DPH6: variants seen among roughly 807,000 people sequenced by gnomAD.
DPH6 encodes diphthamine biosynthesis 6, also known as diphthine--ammonia ligase.
DPH6 carries 33 observed loss-of-function variants against 38.2 expected under a neutral mutation model. The observed-to-expected ratio is 0.86, with a 90% CI of 0.65 to 1.15. The LOEUF (loss-of-function observed/expected upper bound fraction) is 1.15. Among genes scored for constraint, DPH6 ranks in the 50% most tolerant of loss-of-function variants. The pLI is 0.00. For synonymous variants in DPH6, 108 were observed against 103.0 expected (o/e 1.05, Z -0.30); for missense variants, 325 against 320.0 (o/e 1.02, Z -0.12).
intron 3 of DPH6, among the ~76,000 whole-genome samples, chr15:35,497,968 T>C (rs1170248408): frequency 7.9e-5 from 12 of 152,100 alleles, no homozygotes; most frequent in Non-Finnish European, 1.8e-4. Flanking sequence ...TTGACTCTTA[T>C]TGAGCTACAC....
intron 3 of DPH6, among the ~76,000 whole-genome samples, chr15:35,486,741 C>CA (rs1213418181): frequency 6.6e-6 from 1 of 152,090 alleles, no homozygotes; most frequent in Non-Finnish European, 1.5e-5. Context: ...CATGCATTTC[C>CA]AACAGTTCCC....
intron 3 of DPH6, among the ~76,000 whole-genome samples, chr15:35,320,062 T>A (rs2052226330): frequency 2.0e-5 from 3 of 152,208 alleles, no homozygotes; most frequent in Non-Finnish European, 4.4e-5. Context: ...TTGTTCTTTC[T>A]ACTTTTCAGC....
intron 3 of DPH6, among the ~76,000 whole-genome samples, chr15:35,530,344 T>C (rs2055068083): frequency 6.6e-6 from 1 of 151,338 alleles, no homozygotes; most frequent in Admixed American, 6.6e-5. Flanking sequence ...ACCCAACCAG[T>C]CAACAGGATA....
At chr15:35,427,478 A>C (rs958522240) in intron 5 of DPH6, among the ~76,000 whole-genome samples, 1 of 132,892 alleles carries the variant, frequency 7.5e-6, no homozygotes, top group Non-Finnish European at 1.6e-5. Flanking sequence ...AAAGAAAAAT[A>C]ATCGAATTAA....
At chr15:35,297,534 A>G (rs754744579) in intron 3 of DPH6, among the ~76,000 whole-genome samples, 5 of 151,294 alleles carry the variant, frequency 3.3e-5, no homozygotes, top group Non-Finnish European at 7.4e-5. Flanking sequence ...CTTCTGAGAG[A>G]CCACATTTTT....
At chr15:35,257,692 C>T (rs994222122) in intron 3 of DPH6, among the ~76,000 whole-genome samples, 2 of 151,506 alleles carry the variant, frequency 1.3e-5, no homozygotes, top group African/African-American at 2.4e-5. Context: ...GGATTGAAGG[C>T]AATTAAAAGA....
chr15:35,274,346 A>C (rs971867301), intron 3 of DPH6, among the ~76,000 whole-genome samples: 7 of 150,814 alleles, frequency 4.6e-5, no homozygotes, highest in African/African-American at 1.5e-4. Flanking sequence ...GCACGGGCAA[A>C]GACTTCATAA....
At chr15:35,517,824 G>T (rs2054867682) in intron 3 of DPH6, among the ~76,000 whole-genome samples, 4 of 152,124 alleles carry the variant, frequency 2.6e-5, no homozygotes, top group Middle Eastern at 3.4e-3. Context: ...CATTTGAAGT[G>T]TCTGAATCTA....
chr15:35,166,014 C>G, the DPH6 span, among the ~76,000 whole-genome samples: 1 of 151,916 alleles, frequency 6.6e-6, no homozygotes, highest in African/African-American at 2.4e-5. Context: ...AACCTGGTGA[C>G]AGTGCAGAGC....
chr15:35,531,154 C>G (rs1230986671), intron 3 of DPH6, among the ~76,000 whole-genome samples: 1 of 152,188 alleles, frequency 6.6e-6, no homozygotes, highest in African/African-American at 2.4e-5. Context: ...CCAACAATCT[C>G]AGGTTTTTCC....
intron 3 of DPH6, among the ~76,000 whole-genome samples, chr15:35,455,258 GA>G (rs957218492): frequency 4.0e-5 from 6 of 151,834 alleles, no homozygotes; most frequent in Non-Finnish European, 8.8e-5. Flanking sequence ...GTAAATCTTA[GA>G]AAAAAAATGA....
At chr15:35,411,856 T>C (rs1021559412) in intron 5 of DPH6, among the ~76,000 whole-genome samples, 4 of 151,564 alleles carry the variant, frequency 2.6e-5, no homozygotes, top group African/African-American at 9.7e-5. Flanking sequence ...CTTCACAAAA[T>C]TAACTTAAAA....
intron 3 of DPH6, among the ~76,000 whole-genome samples, chr15:35,354,732 C>T (rs2052544726): frequency 6.6e-6 from 1 of 152,044 alleles, no homozygotes; most frequent in Non-Finnish European, 1.5e-5. Flanking sequence ...GGATATTGGT[C>T]TAAAATTCTC....
intron 3 of DPH6, chr15:35,298,653 C>T (rs1210279190): frequency 4.7e-6 from 6 of 1,271,108 alleles, no homozygotes; most frequent in Admixed American, 1.7e-5. Flanking sequence ...GTCTTCTCCA[C>T]CGAAAAGGCG....
At chr15:35,336,318 A>C (rs1256403721) in intron 3 of DPH6, among the ~76,000 whole-genome samples, 4 of 151,766 alleles carry the variant, frequency 2.6e-5, no homozygotes, top group Admixed American at 6.6e-5. Flanking sequence ...AATCAGACGA[A>C]GATTTGGTCT....
intron 3 of DPH6, among the ~76,000 whole-genome samples, chr15:35,359,343 C>G (rs1298990299): frequency 6.6e-6 from 1 of 152,212 alleles, no homozygotes; most frequent in Non-Finnish European, 1.5e-5. Context: ...GGTTCTTCCC[C>G]TGCCTGTGGA....
the DPH6 span, among the ~76,000 whole-genome samples, chr15:35,163,745 G>A: frequency 6.6e-6 from 1 of 151,824 alleles, no homozygotes; most frequent in Admixed American, 6.6e-5. Flanking sequence ...TCACTACCTT[G>A]TAATGACATG....
At chr15:35,311,255 G>GT (rs2055100252) in intron 3 of DPH6, among the ~76,000 whole-genome samples, 1 of 152,046 alleles carries the variant, frequency 6.6e-6, no homozygotes, top group Non-Finnish European at 1.5e-5. Context: ...AAAACAACAG[G>GT]TTTTAAAGGC....
exon 4 of DPH6, chr15:35,331,066 T>C (rs1260118221): frequency 6.6e-6 from 1 of 152,108 alleles, no homozygotes; most frequent in Non-Finnish European, 1.5e-5. Context: ...CTTGAATATA[T>C]TGGTTTTTGA....
Sources: allele counts gnomAD v4.1 joint callset (sites outside exome capture counted in the v4.1 genomes callset), GRCh38; gene constraint gnomAD v4.1.1; transcripts MANE v1.5; gene names NCBI Gene and HGNC (gene_info 2026-07-23, HGNC 2026-07-21).